Variants in SLC27A5 observed in about 807,000 individuals in gnomAD.
The protein encoded by SLC27A5 is solute carrier family 27 member 5.
Under a neutral mutation model 63.1 loss-of-function variants are expected in SLC27A5, and 47 were observed. That is an observed-to-expected ratio of 0.74 (90% CI 0.59 to 0.95). The LOEUF (loss-of-function observed/expected upper bound fraction) is 0.95, where lower values mean the gene tolerates loss of function less well. Among genes scored for constraint, SLC27A5 ranks in the 40% least tolerant of loss-of-function variants. The probability of loss-of-function intolerance (pLI) is 0.00; values close to 1 mark genes in which losing one functional copy is unlikely to be tolerated. For synonymous variants in SLC27A5, 391 were observed against 403.8 expected, an observed-to-expected ratio of 0.97 and a Z score of 0.38; for missense variants, 940 against 921.0, an observed-to-expected ratio of 1.02 and a Z score of -0.27.
intron 3 of SLC27A5, among the ~76,000 whole-genome samples, chr19:58,503,983 T>C (rs897238858): frequency 2.0e-5 from 3 of 151,662 alleles, no homozygotes; most frequent in Admixed American, 1.3e-4. Flanking sequence ...GGCATGGTGG[T>C]CCACACCTGT....
intron 2 of SLC27A5, 59 bp from the exon 3 acceptor site, chr19:58,510,064 G>A (rs2053392553): frequency 1.9e-6 from 3 of 1,541,230 alleles, no homozygotes; most frequent in Non-Finnish European, 2.7e-6. Context: ...AGAGGGGCCT[G>A]ACCAGAGGGA....
intron 5 of SLC27A5, 32 bp from the exon 6 acceptor site, chr19:58,500,461 C>G (rs1474583892): frequency 1.2e-6 from 2 of 1,613,584 alleles, no homozygotes; most frequent in African/African-American, 2.7e-5. Context: ...TGACATAGGT[C>G]CTGTGGGCTC....
In SLC27A5 at chr19:58,500,503, C is replaced by G. The variant is rs764574774; in HGVS notation, c.1377+9G>C. The stretch of plus-strand genomic sequence containing the variant: ...AGGGCAGCTGCACACCAGGTACCCG[C>G]ACACTCACTCGGAGGAGGCAGCTCA... On this transcript the variant is annotated intron_variant, in intron 5 of 9. Transcript: ENST00000263093. 1.9e-6 allele frequency: 3 copies of G among 1,613,924 alleles called. No homozygotes were observed. Among genetic ancestry groups the G allele is most frequent in the South Asian group, 2.2e-5 (2 of 91,088 alleles).
Position 58,511,594 on chromosome 19 carries a change from T to A in SLC27A5, c.362A>T (p.Glu121Val). 1 of 1,584,150 alleles carries A rather than the reference T, an allele frequency of 6.3e-7. No individual in the cohort carries two copies. Reference protein sequence around the residue: ...QPPDTFVDAFERRARAQPGRA... With the variant: ...QPPDTFVDAFVRRARAQPGRA... Reference sequence around the variant, plus strand: ...GCCAGGCTGCGCTCGTGCTCGCCGCTCGAAGGCATCTACAAAGGTGTCAGG... The same window carrying A: ...GCCAGGCTGCGCTCGTGCTCGCCGCACGAAGGCATCTACAAAGGTGTCAGG... The change falls in exon 1 of 10, where the codon GAG (glutamate) becomes GTG (valine). Residue 121 changes from glutamate to valine, a missense_variant. Physicochemically the swap from Glu to Val is moderately radical, Grantham distance 121. Transcript: ENST00000263093.
intron 8 of SLC27A5, 92 bp from the exon 9 acceptor site, chr19:58,499,007 G>A: frequency 6.3e-7 from 1 of 1,589,366 alleles, no homozygotes; most frequent in South Asian, 1.1e-5. Flanking sequence ...CTGGCTGTGA[G>A]AGCCAGCAAG....
chr19:58,500,792 G>A (rs2122492286), intron 4 of SLC27A5, 86 bp from the exon 5 acceptor site: 1 of 1,546,410 alleles, frequency 6.5e-7, no homozygotes, highest in Middle Eastern at 2.0e-4. Flanking sequence ...GTTATCCTGG[G>A]TCCTTACCTT....
intron 2 of SLC27A5, 74 bp downstream of exon 2, chr19:58,510,647 G>T: frequency 7.7e-7 from 1 of 1,301,530 alleles, no homozygotes; most frequent in Non-Finnish European, 1.0e-6. Flanking sequence ...TCAACACTGA[G>T]TCACAAGTCA....
chr19:58,506,472 G>A (rs148925462), intron 3 of SLC27A5, among the ~76,000 whole-genome samples: 40 of 152,324 alleles, frequency 2.6e-4, no homozygotes, highest in African/African-American at 8.7e-4. Context: ...CCGGGAGGCA[G>A]AGGTTGTGGT....
chr19:58,505,705 G>A (rs1291934463), intron 3 of SLC27A5, among the ~76,000 whole-genome samples: 2 of 151,562 alleles, frequency 1.3e-5, no homozygotes, highest in African/African-American at 2.4e-5. Flanking sequence ...AAAATTAGCC[G>A]GTCGTGAGGG....
chr19:58,498,726 C>T lies in SLC27A5; in HGVS notation c.1897-35G>A. On this transcript the variant is annotated intron_variant, in intron 9 of 9. Coordinates refer to ENST00000263093, the MANE Select transcript of SLC27A5 (RefSeq NM_012254.3). ...AGTGACCATGGTCCAATCACTGTGA[C>T]ATCCACCCGCCCCCTGGCTATGATC... 2.5e-6 allele frequency: 4 copies of T among 1,610,418 alleles called. No individual in the cohort carries two copies. In the South Asian group the frequency reaches 3.3e-5, roughly 13 times the overall value.
intron 8 of SLC27A5, 30 bp downstream of exon 8, chr19:58,499,093 T>C (rs752816081): frequency 6.2e-7 from 1 of 1,612,420 alleles, no homozygotes; most frequent in South Asian, 1.1e-5. Flanking sequence ...CACAAAGCTG[T>C]TGGAAGTTTA....
In SLC27A5 at chr19:58,511,587, T is replaced by C; in HGVS notation, c.369A>G (p.Arg123=). Reference sequence around the variant, plus strand: ...GTGCCCTGCCAGGCTGCGCTCGTGCTCGCCGCTCGAAGGCATCTACAAAGG... The same window carrying C: ...GTGCCCTGCCAGGCTGCGCTCGTGCCCGCCGCTCGAAGGCATCTACAAAGG... The part of the protein sequence containing the change: ...PDTFVDAFER[R]ARAQPGRALL... Residue 123 remains arginine, a synonymous_variant, in exon 1 of 10, where the codon CGA becomes CGG. Transcript: ENST00000263093. The C allele has an allele frequency of 6.3e-7, 1 of 1,576,120 alleles. No homozygotes were observed.
Position 58,499,505 on chromosome 19 carries a change from C to G in SLC27A5, c.1654G>C (p.Gly552Arg). ...EGFLYFRDRL[G>R]DTFRWKGENV... Reference sequence around the variant, plus strand: ...CCTGCCTCGGACCGGAAGGTGTCCCCGAGGCGGTCGCGGAAGTAGAGGAAG... The same window carrying G: ...CCTGCCTCGGACCGGAAGGTGTCCCGGAGGCGGTCGCGGAAGTAGAGGAAG... Residue 552 changes from glycine to arginine, a missense_variant, in exon 7 of 10, where the codon GGG (glycine) becomes CGG (arginine). Transcript: ENST00000263093. 1.9e-6 allele frequency: 3 copies of G among 1,613,074 alleles called. No homozygotes were observed. The highest frequency in any genetic ancestry group is 2.5e-6 in the Non-Finnish European group (3 of 1,180,012).
Position 58,505,131 on chromosome 19 carries a change from C to T in SLC27A5, c.1058-3721G>A, listed in dbSNP as rs1203004791. On this transcript the variant is annotated intron_variant, in intron 3 of 9. Transcript: ENST00000263093. ...TTTTTTTTTTTTTGAGACAGAGTCT[C>T]GCTTTTTGCACAGGCTGGAATGCAA... 3.5e-5 allele frequency among the ~76,000 whole-genome samples: 5 copies of T among 141,264 alleles called. No homozygotes were observed. In the South Asian group the frequency reaches 6.8e-4, roughly 19 times the overall value. 92.7% of individuals were successfully genotyped at this position (141,264 alleles called of 152,430 possible).
At chr19:58,506,807 C>T (rs2053352916) in intron 3 of SLC27A5, among the ~76,000 whole-genome samples, 5 of 151,906 alleles carry the variant, frequency 3.3e-5, no homozygotes, top group Admixed American at 3.3e-4. Flanking sequence ...CAGGGTTTTA[C>T]CATGTTGGCC....
rs1167087096 is a variant in SLC27A5 at position 58,511,833 on chromosome 19, T to G, written c.123A>C (p.Thr41=). ...TGGCCAGCCCAAGTAGCACGCAACA[T>G]GTGGGATCCCCCAGGAGCCAGCGCA... The part of the protein sequence containing the change: ...LTLRWLLGDP[T]CCVLLGLAML... Residue 41 remains threonine (T), a synonymous_variant, in exon 1 of 10, where the codon ACA becomes ACC. Transcript: ENST00000263093. 6.4e-7 allele frequency: 1 copy of G among 1,559,198 alleles called. No homozygotes were observed. The highest frequency in any genetic ancestry group is 2.4e-5 in the East Asian group (1 of 41,714).
Position 58,500,690 on chromosome 19 carries a change from G to T in SLC27A5, c.1199C>A (p.Thr400Lys). ...CNIPQQPEDR[T>K]HTVRLAMGNG... ...GCCCATTGCCAGGCGGACTGTATGT[G>T]TCCGGTCCTCTGGTTGCTACAGGAA... Residue 400 changes from threonine to lysine, a missense_variant, in exon 5 of 10, where the codon ACA (threonine) becomes AAA (lysine). Thr to Lys is a moderately conservative substitution (Grantham distance 78, BLOSUM62 -1). Transcript: ENST00000263093. 6.2e-7 allele frequency: 1 copy of T among 1,613,674 alleles called. No individual in the cohort carries two copies. The highest frequency in any genetic ancestry group is 8.5e-7 in the Non-Finnish European group (1 of 1,179,680).
chr19:58,510,135 AG>A, intron 2 of SLC27A5, 130 bp from the exon 3 acceptor site: 1 of 911,800 alleles, frequency 1.1e-6, no homozygotes, highest in Non-Finnish European at 1.6e-6. Flanking sequence ...AGTCAAGTAT[AG>A]GGATTTGTGG....
At chr19:58,508,992 G>C (rs184213791) in intron 3 of SLC27A5, 1 of 151,486 alleles carries the variant, frequency 6.6e-6, no homozygotes, top group Non-Finnish European at 1.5e-5. Context: ...CAGGAAAATC[G>C]CTTGAACCTG....
Sources: gnomAD v4.1 joint callset for allele counts (sites outside exome capture counted in the v4.1 genomes callset) on GRCh38, gnomAD v4.1.1 for gene constraint, MANE v1.5 for transcripts, NCBI Gene and HGNC (gene_info 2026-07-23, HGNC 2026-07-21) for gene names.